Variants in NCK1 observed in about 807,000 individuals in gnomAD.
NCK1 encodes NCK adaptor protein 1.
Under a neutral mutation model 36.6 loss-of-function variants are expected in NCK1, and 19 were observed. That is an observed-to-expected ratio of 0.52 (90% CI 0.36 to 0.76). The LOEUF (loss-of-function observed/expected upper bound fraction) is 0.76, where lower values mean the gene tolerates loss of function less well. NCK1 is among the 30% of genes least tolerant of loss of function. The pLI is 0.00. For missense variants in NCK1, 358 were observed against 445.6 expected (o/e 0.80, Z 1.77); for synonymous variants, 165 against 156.0 (o/e 1.06, Z -0.43).
chr3:136,874,797 C>T (rs988453113), intron 1 of NCK1, among the ~76,000 whole-genome samples: 1 of 101,770 alleles, frequency 9.8e-6, no homozygotes, highest in Non-Finnish European at 2.1e-5. Context: ...TGAAATCTTG[C>T]ATTAATGAAA....
At chr3:136,937,797 T>C (rs1433861135) in intron 2 of NCK1, among the ~76,000 whole-genome samples, 2 of 152,148 alleles carry the variant, frequency 1.3e-5, no homozygotes, top group African/African-American at 4.8e-5. Context: ...GCAGCTTTGC[T>C]GAATTTTTTT....
Position 136,937,028 on chromosome 3 carries a change from C to CTT in NCK1, c.227-8554_227-8553insTT, listed in dbSNP as rs533374495. Among the ~76,000 whole-genome samples, 339 of 152,256 alleles carry CTT rather than the reference C, an allele frequency of 2.2e-3. 1 individual carries two copies. Among genetic ancestry groups the CTT allele is most frequent in the Non-Finnish European group, 2.8e-3 (189 of 68,006 alleles). ...TTGCTTATGCTTTTAGTGTCAGTAT[C>CTT]TAAGAATCCATTGCTAAATCCAAGG... On this transcript the variant is annotated intron_variant, in intron 2 of 3. Coordinates refer to ENST00000481752, the MANE Select transcript of NCK1 (RefSeq NM_001291999.2).
Position 136,945,666 on chromosome 3 carries a change from C to T in NCK1, c.310C>T (p.Leu104Phe), listed in dbSNP as rs1263524026. The change falls in exon 3 of 4, where the codon CTC becomes TTC. Residue 104 changes from leucine (L) to phenylalanine (F), a missense_variant. By Grantham distance (22) the Leu-to-Phe change is conservative (BLOSUM62 0). This residue lies in a region of NCK1 where 143 missense variants were observed against 162.4 expected (regional missense o/e 0.88). Coordinates refer to ENST00000481752, the MANE Select transcript of NCK1 (RefSeq NM_001291999.2). Reference sequence around the variant, plus strand: ...TAGTTTTGTTGACCCAGGGGAACGTCTCTATGACCTCAACATGCCCGCTTA... The same window carrying T: ...TAGTTTTGTTGACCCAGGGGAACGTTTCTATGACCTCAACATGCCCGCTTA... ...DDSFVDPGERLYDLNMPAYVK... is the reference protein window; with the variant it reads ...DDSFVDPGERFYDLNMPAYVK... The T allele has an allele frequency of 6.2e-7, 1 of 1,614,120 alleles. No homozygotes were observed. Among genetic ancestry groups the T allele is most frequent in the Admixed American group, 1.7e-5 (1 of 60,014 alleles).
intron 2 of NCK1, among the ~76,000 whole-genome samples, chr3:136,932,135 AAAG>A (rs1940408006): frequency 6.6e-6 from 1 of 152,064 alleles, no homozygotes; most frequent in Non-Finnish European, 1.5e-5. Flanking sequence ...AAAAAAAAAA[AAAG>A]AATCCATTGT....
intron 1 of NCK1, among the ~76,000 whole-genome samples, chr3:136,919,804 A>G (rs1018304267): frequency 2.6e-5 from 4 of 152,174 alleles, no homozygotes; most frequent in African/African-American, 9.6e-5. Context: ...GTCAGTAGTT[A>G]TACCCTAAGG....
At chr3:136,866,312 CTT>C (rs35197703) in intron 1 of NCK1, among the ~76,000 whole-genome samples, 7 of 143,288 alleles carry the variant, frequency 4.9e-5, no homozygotes, top group Non-Finnish European at 6.1e-5. Context: ...TTCTTTCTTT[CTT>C]TTTTTTTTTT....
chr3:136,881,470 G>A (rs1336853329), intron 1 of NCK1, among the ~76,000 whole-genome samples: 1 of 152,094 alleles, frequency 6.6e-6, no homozygotes, highest in Admixed American at 6.6e-5. Flanking sequence ...TGCCCGCCTC[G>A]GCCTCCCAAG....
At chr3:136,938,466 T>C (rs941376677) in intron 2 of NCK1, among the ~76,000 whole-genome samples, 4 of 152,196 alleles carry the variant, frequency 2.6e-5, no homozygotes, top group African/African-American at 9.7e-5. Flanking sequence ...ATGTTCTTCC[T>C]TCTTATTTCA....
At chr3:136,873,998 T>C (rs1938697831) in intron 1 of NCK1, among the ~76,000 whole-genome samples, 1 of 152,220 alleles carries the variant, frequency 6.6e-6, no homozygotes, top group Non-Finnish European at 1.5e-5. Flanking sequence ...CTACTTTTGC[T>C]TAACATTGTG....
chr3:136,862,710 A>G (rs1055888485), intron 1 of NCK1, among the ~76,000 whole-genome samples: 9 of 152,332 alleles, frequency 5.9e-5, no homozygotes, highest in African/African-American at 2.2e-4. Flanking sequence ...TTCTCATGAA[A>G]AAGTCCTTTT....
intron 2 of NCK1, among the ~76,000 whole-genome samples, chr3:136,938,595 G>GT (rs928554045): frequency 4.8e-4 from 73 of 152,266 alleles, no homozygotes; most frequent in African/African-American, 1.7e-3. Flanking sequence ...GTGATGAAGT[G>GT]TTGCCTAGAG....
intron 1 of NCK1, among the ~76,000 whole-genome samples, chr3:136,876,946 T>C (rs1474171128): frequency 6.6e-6 from 1 of 152,170 alleles, no homozygotes; most frequent in African/African-American, 2.4e-5. Context: ...GAAAAGACAT[T>C]CCAATTTACA....
At position 136,949,624 on chromosome 3, in the gene NCK1, C is replaced by T. The variant is rs1940922233; in HGVS notation, c.*1171C>T. Reference sequence around the variant, plus strand: ...TATTTTATGGTCATAATTTGTCCCCCTATTATTCTGGAGATTTAAATTTAA... The same window carrying T: ...TATTTTATGGTCATAATTTGTCCCCTTATTATTCTGGAGATTTAAATTTAA... On this transcript the variant is annotated 3_prime_UTR_variant, in exon 4 of 4. Coordinates refer to ENST00000481752, the MANE Select transcript of NCK1 (RefSeq NM_001291999.2). 6.6e-6 allele frequency: 1 copy of T among 151,898 alleles called. No individual in the cohort carries two copies. Among genetic ancestry groups the T allele is most frequent in the African/African-American group, 2.4e-5 (1 of 41,404 alleles). The allele number at this position is 151,898 out of a possible 1,614,324, so 9.4% of individuals were successfully genotyped here.
At chr3:136,873,880 T>C (rs1348043049) in intron 1 of NCK1, among the ~76,000 whole-genome samples, 1 of 152,220 alleles carries the variant, frequency 6.6e-6, no homozygotes, top group African/African-American at 2.4e-5. Context: ...CACATGGAAC[T>C]GTAAGTCCAT....
chr3:136,897,668 C>G (rs1576961214), intron 1 of NCK1, among the ~76,000 whole-genome samples: 2 of 152,150 alleles, frequency 1.3e-5, no homozygotes, highest in East Asian at 3.9e-4. Flanking sequence ...TCCCATTCAG[C>G]AGATTGTCTC....
In NCK1 at chr3:136,949,897, T is replaced by A. The variant is rs932319349; in HGVS notation, c.*1444T>A. 5.9e-5 allele frequency: 9 copies of A among 152,110 alleles called. No individual in the cohort carries two copies. Among genetic ancestry groups the A allele is most frequent in the Non-Finnish European group, 1.2e-4 (8 of 67,940 alleles). 9.4% of individuals were successfully genotyped at this position (152,110 alleles called of 1,614,324 possible). A position where few individuals can be genotyped will look rare whatever the true frequency, so the allele number is the denominator to read the frequency against. ...AATCTTAAAATCATTTAAAGACTTA[T>A]GTTGCCACTGGGTGGCAGCCATGGC... On this transcript the variant is annotated 3_prime_UTR_variant, in exon 4 of 4. Coordinates refer to ENST00000481752, the MANE Select transcript of NCK1 (RefSeq NM_001291999.2).
chr3:136,939,569 T>C (rs1484510331), intron 2 of NCK1, among the ~76,000 whole-genome samples: 3 of 152,250 alleles, frequency 2.0e-5, no homozygotes, highest in African/African-American at 7.2e-5. Context: ...TTCTTCTTTT[T>C]TATGCAAGCT....
intron 1 of NCK1, among the ~76,000 whole-genome samples, chr3:136,905,208 G>A (rs539907655): frequency 6.6e-6 from 1 of 151,744 alleles, no homozygotes; most frequent in African/African-American, 2.4e-5. Flanking sequence ...TCTTTGCAGA[G>A]ACAGGGTTTC....
chr3:136,933,461 T>C (rs974480537), intron 2 of NCK1, among the ~76,000 whole-genome samples: 3 of 152,218 alleles, frequency 2.0e-5, no homozygotes, highest in African/African-American at 4.8e-5. Flanking sequence ...TTAAGAATTC[T>C]TGTGGAGTTT....
Sources: gnomAD v4.1 joint callset for allele counts (sites outside exome capture counted in the v4.1 genomes callset) on GRCh38, gnomAD v4.1.1 for gene constraint, gnomAD v4.1.1 regional missense constraint, MANE v1.5 for transcripts, NCBI Gene and HGNC (gene_info 2026-07-23, HGNC 2026-07-21) for gene names.